Variants in ZFYVE28 observed in about 807,000 individuals in gnomAD.
ZFYVE28 encodes lateral signaling target protein 2 homolog.
In ZFYVE28, 40 loss-of-function variants were observed where a neutral mutation model predicts 82.1. The observed-to-expected ratio is 0.49, with a 90% CI of 0.38 to 0.63. The LOEUF is 0.63. Among genes scored for constraint, ZFYVE28 ranks in the 30% least tolerant of loss-of-function variants. The pLI is 0.00. For missense variants in ZFYVE28, 1,321 were observed against 1,242.1 expected, an observed-to-expected ratio of 1.06 and a Z score of -0.96; for synonymous variants, 612 against 546.1, an observed-to-expected ratio of 1.12 and a Z score of -1.68.
intron 9 of ZFYVE28, among the ~76,000 whole-genome samples, chr4:2,273,777 G>C (rs935894174): frequency 1.3e-5 from 2 of 152,174 alleles, no homozygotes; most frequent in Non-Finnish European, 2.9e-5. Context: ...CCTGCCCAGA[G>C]GTGATGCCTA....
chr4:2,413,837 T>C lies in ZFYVE28; in HGVS notation c.39+4448A>G, dbSNP rs144043991. On this transcript the variant is annotated intron_variant, in intron 1 of 12. Coordinates refer to ENST00000290974, the MANE Select transcript of ZFYVE28 (RefSeq NM_020972.3). ...GGAAGTCAAGGCACATGCCAGTGAC[T>C]GCCCTCTCATAGGCCCCACTCGTGC... Among the ~76,000 whole-genome samples, 141 of 152,160 alleles carry C rather than the reference T, an allele frequency of 9.3e-4. 1 individual carries two copies. The Middle Eastern group carries it at 0.014, about 15-fold the overall frequency.
intron 3 of ZFYVE28, among the ~76,000 whole-genome samples, chr4:2,340,731 C>T (rs925850018): frequency 2.6e-5 from 4 of 152,102 alleles, no homozygotes; most frequent in Non-Finnish European, 4.4e-5. Context: ...AGAACCTGCC[C>T]GCGGGCCCCT....
rs532962503 is a variant in ZFYVE28, at chr4:2,341,841, G to A, written c.181-226C>T. Among the ~76,000 whole-genome samples, 41 of 152,284 alleles carry A rather than the reference G, an allele frequency of 2.7e-4. No homozygotes were observed. Among genetic ancestry groups the A allele is most frequent in the Non-Finnish European group, 3.7e-4 (25 of 68,022 alleles). On this transcript the variant is annotated intron_variant, in intron 2 of 12. Transcript: ENST00000290974. This position sits in a 1 kb window ranked among gnomAD's most constrained non-coding sequence, Gnocchi z 4.5. ...TTGAGACCAGCCTGGCCAACATGGC[G>A]AAACCCCATCTCTACTAAAAATACA...
rs996671508 is a variant in ZFYVE28 at position 2,418,238 on chromosome 4, G to A, written c.39+47C>T. On this transcript the variant is annotated intron_variant, in intron 1 of 12. Coordinates refer to ENST00000290974, the MANE Select transcript of ZFYVE28 (RefSeq NM_020972.3). This position sits in a 1 kb window ranked among gnomAD's most constrained non-coding sequence, Gnocchi z 4.6. ...GGCGGACGGGCGGTCCTGGGGAAGGGAGAGGCCGCGACGCGGGGGGCGTCC... is the reference window on the plus strand; with the variant it reads ...GGCGGACGGGCGGTCCTGGGGAAGGAAGAGGCCGCGACGCGGGGGGCGTCC... 6.6e-7 allele frequency: 1 copy of A among 1,525,322 alleles called. No individual in the cohort carries two copies. Among genetic ancestry groups the A allele is most frequent in the African/African-American group, 1.4e-5 (1 of 71,448 alleles). 94.5% of individuals were successfully genotyped at this position (1,525,322 alleles called of 1,614,324 possible). A position where few individuals can be genotyped will look rare whatever the true frequency, so the allele number is the denominator to read the frequency against.
At chr4:2,349,670 G>C (rs1365806368) in intron 2 of ZFYVE28, among the ~76,000 whole-genome samples, 1 of 152,124 alleles carries the variant, frequency 6.6e-6, no homozygotes, top group Non-Finnish European at 1.5e-5. Context: ...GCATCTGCAT[G>C]CTGCTATTGC....
intron 2 of ZFYVE28, among the ~76,000 whole-genome samples, chr4:2,350,552 G>T (rs1724262994): frequency 6.6e-6 from 1 of 152,116 alleles, no homozygotes; most frequent in African/African-American, 2.4e-5. Flanking sequence ...CTCCTAAAAA[G>T]CCTTGGACTC....
At position 2,304,290 on chromosome 4, in the gene ZFYVE28, T is replaced by A; in HGVS notation, c.2050A>T (p.Ser684Cys). The part of the protein sequence containing the change: ...HEAPQALSGS[S>C]SSTAGSCSSD... ...TCTCTGGGCCAGACTGGCTCTTACC[T>A]GGAGCCCGACAGGGCCTGAGGCGCC... Residue 684 changes from serine (S) to cysteine (C), a missense_variant and splice_region_variant, in exon 8 of 13, where the codon AGC (serine) becomes TGC (cysteine). Ser to Cys is a moderately radical substitution (Grantham distance 112). Around this residue, in one of 2 missense-constraint regions of ZFYVE28, gnomAD observed 978 missense variants for 833.7 expected, o/e 1.17. Transcript: ENST00000290974. 1.3e-6 allele frequency: 2 copies of A among 1,567,836 alleles called. No individual in the cohort carries two copies. The highest frequency in any genetic ancestry group is 1.7e-6 in the Non-Finnish European group (2 of 1,164,848).
At chr4:2,276,225 T>G (rs1736431178) in intron 8 of ZFYVE28, among the ~76,000 whole-genome samples, 1 of 152,202 alleles carries the variant, frequency 6.6e-6, no homozygotes, top group Non-Finnish European at 1.5e-5. Flanking sequence ...AGCTGAATAT[T>G]TGCCGGAACG....
intron 1 of ZFYVE28, among the ~76,000 whole-genome samples, chr4:2,384,355 G>A (rs1407937768): frequency 2.6e-5 from 4 of 152,246 alleles, no homozygotes; most frequent in African/African-American, 4.8e-5. Context: ...AGAAGGGTCA[G>A]AGGGAAGTGA....
intron 7 of ZFYVE28, among the ~76,000 whole-genome samples, chr4:2,315,636 T>G (rs1310742464): frequency 6.6e-6 from 1 of 152,238 alleles, no homozygotes; most frequent in Non-Finnish European, 1.5e-5. Flanking sequence ...TCTGTTCATT[T>G]GTTGAGAAGA....
In ZFYVE28 at chr4:2,332,895, G is replaced by GCTCTGTGGCTAGATGCCTGC. The variant is rs1232376936; in HGVS notation, c.701+2790_701+2809dup. Among the ~76,000 whole-genome samples, 6 of 152,248 alleles carry GCTCTGTGGCTAGATGCCTGC rather than the reference G, an allele frequency of 3.9e-5. No homozygotes were observed. The highest frequency in any genetic ancestry group is 1.4e-4 in the African/African-American group (6 of 41,530). ...CACGGTTCCTCGTATCCACAGCCTG[G>GCTCTGTGGCTAGATGCCTGC]CTCTGTGGCTAGATGCCTGCCTCTG... On this transcript the variant is annotated intron_variant, in intron 6 of 12. Transcript: ENST00000290974. The surrounding 1 kb of genome is among the most constrained non-coding windows in gnomAD (Gnocchi z 4.7).
chr4:2,353,404 C>A (rs889874076), intron 2 of ZFYVE28, among the ~76,000 whole-genome samples: 3 of 152,226 alleles, frequency 2.0e-5, no homozygotes, highest in Non-Finnish European at 1.5e-5. Context: ...TTGTGAAAAC[C>A]CCTCGTCATC....
At chr4:2,283,363 CCATCCATCCAAT>C (rs1408742494) in intron 8 of ZFYVE28, among the ~76,000 whole-genome samples, 1 of 147,608 alleles carries the variant, frequency 6.8e-6, no homozygotes, top group Non-Finnish European at 1.5e-5. Context: ...ATCCATCCAT[CCATCCATCCAAT>C]CATCCATCCA....
chr4:2,296,077 G>A (rs763514731), intron 8 of ZFYVE28, among the ~76,000 whole-genome samples: 13 of 152,206 alleles, frequency 8.5e-5, no homozygotes, highest in Non-Finnish European at 1.3e-4. Flanking sequence ...TGGGGGACCT[G>A]CGGTAATGAC....
chr4:2,405,901 T>G (rs1034581008), intron 1 of ZFYVE28, among the ~76,000 whole-genome samples: 2 of 150,566 alleles, frequency 1.3e-5, no homozygotes, highest in African/African-American at 2.5e-5. Flanking sequence ...ATATAAAAAT[T>G]AGCTGGGCAT....
chr4:2,340,929 G>A (rs1722694042), intron 3 of ZFYVE28, among the ~76,000 whole-genome samples: 1 of 152,086 alleles, frequency 6.6e-6, no homozygotes, highest in Non-Finnish European at 1.5e-5. Flanking sequence ...GCTGAGGTCA[G>A]GCTCGGGAGC....
intron 1 of ZFYVE28, among the ~76,000 whole-genome samples, chr4:2,401,602 C>T (rs1731187134): frequency 6.6e-6 from 1 of 152,062 alleles, no homozygotes; most frequent in African/African-American, 2.4e-5. Context: ...AGAGTGTCTA[C>T]AGAGAGGTTT....
rs1193583552 is a variant in ZFYVE28 at position 2,416,145 on chromosome 4, T to C, written c.39+2140A>G. 6.6e-6 allele frequency among the ~76,000 whole-genome samples: 1 copy of C among 152,272 alleles called. No individual in the cohort carries two copies. The highest frequency in any genetic ancestry group is 2.4e-5 in the African/African-American group (1 of 41,472). On this transcript the variant is annotated intron_variant, in intron 1 of 12. Coordinates refer to ENST00000290974, the MANE Select transcript of ZFYVE28 (RefSeq NM_020972.3). The surrounding 1 kb of genome is among the most constrained non-coding windows in gnomAD (Gnocchi z 4.6). Reference sequence around the variant, plus strand: ...CCCGCCGCCTGCCTGGAAAGGCAGCTGCCTGCTGAAGAGGAAAAGTTGGGA... The same window carrying C: ...CCCGCCGCCTGCCTGGAAAGGCAGCCGCCTGCTGAAGAGGAAAAGTTGGGA...
chr4:2,360,246 T>C (rs1725936986), intron 1 of ZFYVE28, among the ~76,000 whole-genome samples: 1 of 151,312 alleles, frequency 6.6e-6, no homozygotes, highest in Non-Finnish European at 1.5e-5. Flanking sequence ...CACCATGCCA[T>C]GACGGGCACC....
Sources: gnomAD v4.1 joint callset for allele counts (sites outside exome capture counted in the v4.1 genomes callset) on GRCh38, gnomAD v4.1.1 for gene constraint, gnomAD v4.1.1 regional missense constraint, Gnocchi (gnomAD v3.1) non-coding constraint, MANE v1.5 for transcripts, NCBI Gene and HGNC (gene_info 2026-07-23, HGNC 2026-07-21) for gene names.